Variants in LEKR1 observed in about 807,000 individuals in gnomAD.
LEKR1 encodes the protein protein LEKR1.
Under a neutral mutation model 72.4 loss-of-function variants are expected in LEKR1, and 59 were observed. That is an observed-to-expected ratio of 0.82 (90% CI 0.66 to 1.01). LEKR1 has a LOEUF of 1.01. Ranked by LOEUF, LEKR1 falls within the 50% of genes least tolerant of loss-of-function variation. The pLI, the probability that LEKR1 is intolerant of heterozygous loss-of-function variation, is 0.00. For missense variants in LEKR1, 728 were observed against 759.2 expected, an observed-to-expected ratio of 0.96 and a Z score of 0.48; for synonymous variants, 257 against 263.2, an observed-to-expected ratio of 0.98 and a Z score of 0.23.
chr3:156,875,992 C>CA lies in LEKR1; in HGVS notation c.263+23034dup, dbSNP rs55816001. Among the ~76,000 whole-genome samples, 609 of 69,998 alleles carry CA rather than the reference C, an allele frequency of 8.7e-3. 7 individuals are homozygous for CA. The highest frequency in any genetic ancestry group is 0.011 in the Non-Finnish European group (410 of 37,856). The allele number at this position is 69,998 out of a possible 152,430, so 45.9% of individuals were successfully genotyped here. On this transcript the variant is annotated intron_variant, in intron 3 of 12. Coordinates refer to ENST00000356539, the MANE Select transcript of LEKR1 (RefSeq NM_001004316.3). ...CCTGGGCAACAGCGAGACTCCATCT[C>CA]AAAAAAAAAAAAAAAAAAAAAAAAG...
chr3:156,828,903 TTCA>T (rs1357820930), intron 1 of LEKR1, among the ~76,000 whole-genome samples: 1 of 152,216 alleles, frequency 6.6e-6, no homozygotes, highest in African/African-American at 2.4e-5. Flanking sequence ...ATACTATATT[TTCA>T]TACTTTTTCT....
chr3:156,992,544 A>C, intron 7 of LEKR1, 109 bp from the exon 8 acceptor site: 1 of 208,228 alleles, frequency 4.8e-6, no homozygotes, highest in South Asian at 7.0e-5. Flanking sequence ...ACAAATAATA[A>C]TATGAAGATG....
At chr3:156,995,854 T>A (rs867305484) in intron 9 of LEKR1, among the ~76,000 whole-genome samples, 102 of 152,138 alleles carry the variant, frequency 6.7e-4, no homozygotes, top group Non-Finnish European at 3.4e-4. Flanking sequence ...ATAAATTTTT[T>A]AAAAATGTCC....
chr3:156,941,247 T>G (rs1726171986), intron 5 of LEKR1, among the ~76,000 whole-genome samples: 1 of 152,100 alleles, frequency 6.6e-6, no homozygotes, highest in Non-Finnish European at 1.5e-5. Flanking sequence ...AAACTAAACA[T>G]AGAGAAAGTG....
chr3:157,029,383 T>A (rs1734437472), intron 12 of LEKR1, among the ~76,000 whole-genome samples: 1 of 151,992 alleles, frequency 6.6e-6, no homozygotes, highest in South Asian at 2.1e-4. Context: ...ATTATTTACA[T>A]GTTACAAATG....
intron 5 of LEKR1, among the ~76,000 whole-genome samples, chr3:156,938,663 C>T (rs956505298): frequency 6.6e-6 from 1 of 152,136 alleles, no homozygotes; most frequent in Non-Finnish European, 1.5e-5. Context: ...CGTGAGCCAC[C>T]GCACCCAGCC....
intron 3 of LEKR1, among the ~76,000 whole-genome samples, chr3:156,902,257 A>C (rs1722111893): frequency 6.6e-6 from 1 of 152,202 alleles, no homozygotes; most frequent in Non-Finnish European, 1.5e-5. Context: ...AATACTTGGA[A>C]AACAGAAATA....
At chr3:156,910,247 T>C (rs1433042448) in intron 3 of LEKR1, among the ~76,000 whole-genome samples, 4 of 152,248 alleles carry the variant, frequency 2.6e-5, no homozygotes, top group African/African-American at 9.6e-5. Context: ...ACCCAGGTAG[T>C]GAGCATAGTA....
chr3:157,004,924 G>A (rs1410380651), intron 9 of LEKR1, among the ~76,000 whole-genome samples: 1 of 151,924 alleles, frequency 6.6e-6, no homozygotes, highest in Non-Finnish European at 1.5e-5. Context: ...AAGATAGGCA[G>A]AAGAAAGTAA....
At chr3:156,936,309 T>C (rs1460803015) in intron 5 of LEKR1, among the ~76,000 whole-genome samples, 1 of 152,030 alleles carries the variant, frequency 6.6e-6, no homozygotes, top group Non-Finnish European at 1.5e-5. Context: ...CAATTCTTAA[T>C]ACATAAAGAT....
At chr3:156,854,816 A>C (rs1715850619) in intron 3 of LEKR1, among the ~76,000 whole-genome samples, 1 of 151,970 alleles carries the variant, frequency 6.6e-6, no homozygotes, top group South Asian at 2.1e-4. Context: ...GGCCTCCCAA[A>C]GTGCTGGGAT....
At chr3:156,937,768 A>G (rs1302944116) in intron 5 of LEKR1, among the ~76,000 whole-genome samples, 4 of 152,202 alleles carry the variant, frequency 2.6e-5, no homozygotes, top group African/African-American at 9.6e-5. Context: ...AAACAACCCA[A>G]ATGTCCTTCA....
intron 12 of LEKR1, among the ~76,000 whole-genome samples, chr3:157,031,241 A>G (rs1004384996): frequency 2.3e-4 from 35 of 152,164 alleles, no homozygotes; most frequent in African/African-American, 8.0e-4. Context: ...TTTTAAAAGA[A>G]GCCACTTAGG....
chr3:156,943,031 G>A (rs1454627964), intron 6 of LEKR1, among the ~76,000 whole-genome samples: 1 of 152,070 alleles, frequency 6.6e-6, no homozygotes, highest in Non-Finnish European at 1.5e-5. Context: ...CCTTGTAAAG[G>A]TGAATCCAGA....
At chr3:156,894,455 T>C (rs1395711512) in intron 3 of LEKR1, among the ~76,000 whole-genome samples, 2 of 152,260 alleles carry the variant, frequency 1.3e-5, no homozygotes, top group Non-Finnish European at 2.9e-5. Flanking sequence ...TGACTCATTC[T>C]GCATATTAGC....
At chr3:156,828,639 A>G (rs1711965627) in intron 1 of LEKR1, among the ~76,000 whole-genome samples, 1 of 152,102 alleles carries the variant, frequency 6.6e-6, no homozygotes, top group Non-Finnish European at 1.5e-5. Context: ...CTCTGGTTTT[A>G]TGAAAGTAGT....
intron 3 of LEKR1, among the ~76,000 whole-genome samples, chr3:156,887,972 A>G (rs1720276090): frequency 6.6e-6 from 1 of 152,208 alleles, no homozygotes; most frequent in Non-Finnish European, 1.5e-5. Flanking sequence ...GACCATCTAT[A>G]TTTTATCATT....
chr3:156,942,489 C>A, intron 5 of LEKR1, 40 bp from the exon 6 acceptor site: 2 of 665,528 alleles, frequency 3.0e-6, no homozygotes, highest in Non-Finnish European at 2.1e-6. Context: ...TTTTATGATT[C>A]AATTATTGGC....
At chr3:156,845,736 C>T (rs1714510939) in intron 2 of LEKR1, among the ~76,000 whole-genome samples, 1 of 152,086 alleles carries the variant, frequency 6.6e-6, no homozygotes, top group East Asian at 1.9e-4. Flanking sequence ...TATAGCAATA[C>T]AGTGTGTCTT....
Sources: allele counts gnomAD v4.1 joint callset (sites outside exome capture counted in the v4.1 genomes callset), GRCh38; gene constraint gnomAD v4.1.1; transcripts MANE v1.5; gene names NCBI Gene and HGNC (gene_info 2026-07-23, HGNC 2026-07-21).